Variants in MKLN1 observed in about 807,000 individuals in gnomAD.
The protein encoded by MKLN1 is muskelin 1, also known as muskelin.
MKLN1 carries 18 observed loss-of-function variants against 99.0 expected under a neutral mutation model. That is an observed-to-expected ratio of 0.18 (90% CI 0.13 to 0.27). MKLN1 has a LOEUF of 0.27. MKLN1 is among the 10% of genes least tolerant of loss of function. The probability of loss-of-function intolerance (pLI) is 1.00; values close to 1 mark genes in which losing one functional copy is unlikely to be tolerated. For synonymous variants in MKLN1, 288 were observed against 293.2 expected (o/e 0.98, Z 0.18); for missense variants, 621 against 875.9 (o/e 0.71, Z 3.67).
intron 1 of MKLN1, among the ~76,000 whole-genome samples, chr7:131,110,671 C>T (rs1795180479): frequency 6.6e-6 from 1 of 152,228 alleles, no homozygotes; most frequent in African/African-American, 2.4e-5. Context: ...GACAAACAGC[C>T]TCTGGTGCAA....
intron 3 of MKLN1, among the ~76,000 whole-genome samples, chr7:131,307,210 T>C (rs1265079217): frequency 6.6e-6 from 1 of 152,138 alleles, no homozygotes; most frequent in Non-Finnish European, 1.5e-5. Flanking sequence ...CAGTTAAAGT[T>C]TGAGAATCCT....
chr7:131,382,139 C>G (rs1384158272), intron 2 of MKLN1, among the ~76,000 whole-genome samples: 1 of 152,160 alleles, frequency 6.6e-6, no homozygotes, highest in East Asian at 1.9e-4. Flanking sequence ...TCGAGGCAGG[C>G]AGATCACTTG....
At chr7:131,180,420 C>T (rs889028644) in intron 2 of MKLN1, among the ~76,000 whole-genome samples, 3 of 152,182 alleles carry the variant, frequency 2.0e-5, no homozygotes, top group Non-Finnish European at 2.9e-5. Flanking sequence ...TGTTTAAGGC[C>T]GGGCGCAGTG....
intron 3 of MKLN1, among the ~76,000 whole-genome samples, chr7:131,248,077 ATTT>A (rs994773445): frequency 4.2e-5 from 4 of 95,838 alleles, no homozygotes; most frequent in Non-Finnish European, 8.7e-5. Context: ...TACATTTATT[ATTT>A]ATTTATTTAT....
At chr7:131,136,743 C>G (rs1371680019) in intron 1 of MKLN1, among the ~76,000 whole-genome samples, 2 of 152,186 alleles carry the variant, frequency 1.3e-5, no homozygotes, top group African/African-American at 4.8e-5. Context: ...AATGCATTGT[C>G]TGCTCTTATT....
chr7:131,130,487 C>G (rs1345093269), intron 1 of MKLN1, among the ~76,000 whole-genome samples: 1 of 152,340 alleles, frequency 6.6e-6, no homozygotes, highest in African/African-American at 2.4e-5. Context: ...ACCATTACCC[C>G]CATTTCACAG....
chr7:131,471,493 ATTAC>A (rs1796819529), intron 16 of MKLN1: 2 of 152,458 alleles, frequency 1.3e-5, no homozygotes, highest in Non-Finnish European at 2.9e-5. Context: ...TTAGCCAATC[ATTAC>A]TTTTCAGTTT....
intron 1 of MKLN1, among the ~76,000 whole-genome samples, chr7:131,334,331 A>G (rs541628963): frequency 2.0e-5 from 3 of 152,294 alleles, no homozygotes; most frequent in East Asian, 3.9e-4. Flanking sequence ...CTGAGATTTA[A>G]GGACACTGGC....
intron 1 of MKLN1, among the ~76,000 whole-genome samples, chr7:131,343,047 G>A (rs1242839938): frequency 1.3e-5 from 2 of 152,232 alleles, no homozygotes; most frequent in Non-Finnish European, 2.9e-5. Flanking sequence ...GACAAAAGCA[G>A]TAAATGCTGC....
At chr7:131,296,477 G>C (rs577784683) in intron 3 of MKLN1, among the ~76,000 whole-genome samples, 2 of 152,230 alleles carry the variant, frequency 1.3e-5, no homozygotes, top group South Asian at 2.1e-4. Flanking sequence ...ATAAGAGTGG[G>C]AACGAGATTT....
At chr7:131,174,134 G>A (rs187391823) in intron 2 of MKLN1, among the ~76,000 whole-genome samples, 2,531 of 151,850 alleles carry the variant, frequency 0.017, 78 homozygotes, top group African/African-American at 0.058. Flanking sequence ...CACCGCACCC[G>A]GCTAATTTTT....
chr7:131,309,756 C>T (rs1286105557), intron 3 of MKLN1: 19 of 126,124 alleles, frequency 1.5e-4, no homozygotes, highest in Admixed American at 6.2e-4. Context: ...GACAGGGCCT[C>T]GCACTGTTGC....
chr7:131,485,502 A>G (rs910548551), intron 17 of MKLN1, among the ~76,000 whole-genome samples: 1 of 152,074 alleles, frequency 6.6e-6, no homozygotes, highest in Non-Finnish European at 1.5e-5. Flanking sequence ...GTCTCAAACT[A>G]TCTCCCTATC....
rs548718602 is a variant in MKLN1 at position 131,112,680 on chromosome 7, G to C, written c.-419+2473G>C. On this transcript the variant is annotated intron_variant, in intron 1 of 7. Transcript: ENST00000416992. ...AGCTTCCTGAGTAGCTGGGGCTACA[G>C]GTGCACTCAACCATGCCTAGCCTTT... 4.1e-4 allele frequency among the ~76,000 whole-genome samples: 62 copies of C among 152,284 alleles called. 1 individual carries two copies. In the South Asian group the frequency reaches 0.011, roughly 27 times the overall value.
intron 1 of MKLN1, among the ~76,000 whole-genome samples, chr7:131,373,735 A>C (rs1793541251): frequency 6.6e-6 from 1 of 152,194 alleles, no homozygotes; most frequent in Non-Finnish European, 1.5e-5. Context: ...GACATCCTGC[A>C]TTATTACCAT....
chr7:131,314,906 G>C (rs941521957), intron 3 of MKLN1, among the ~76,000 whole-genome samples: 3 of 151,972 alleles, frequency 2.0e-5, no homozygotes, highest in African/African-American at 7.2e-5. Context: ...TAAGCAGCTG[G>C]GACTACAGGC....
At chr7:131,264,443 A>G (rs1307085930) in intron 3 of MKLN1, among the ~76,000 whole-genome samples, 1 of 152,204 alleles carries the variant, frequency 6.6e-6, no homozygotes, top group Non-Finnish European at 1.5e-5. Context: ...TCTTTTAGCT[A>G]CTATACACTG....
intron 17 of MKLN1, among the ~76,000 whole-genome samples, chr7:131,483,964 A>C (rs1797197912): frequency 6.6e-6 from 1 of 152,244 alleles, no homozygotes; most frequent in Non-Finnish European, 1.5e-5. Context: ...GTATATACGC[A>C]TGCATACACT....
rs71168363 is a variant in MKLN1 at position 131,113,667 on chromosome 7, CAAAAAAA to C, written c.-419+3474_-419+3480del. Among the ~76,000 whole-genome samples, 544 of 96,468 alleles carry C rather than the reference CAAAAAAA, an allele frequency of 5.6e-3. 2 individuals are homozygous for C. Among genetic ancestry groups the C allele is most frequent in the Non-Finnish European group, 9.9e-3 (432 of 43,766 alleles). 63.3% of individuals were successfully genotyped at this position (96,468 alleles called of 152,430 possible). ...TGAAACCCCTGTCTCTACAAAAATA[CAAAAAAA>C]AAAAAAAAAAAAATTAGCCAGGCCT... On this transcript the variant is annotated intron_variant, in intron 1 of 7. Coordinates refer to the MKLN1 transcript ENST00000416992.
Sources: gnomAD v4.1 joint callset for allele counts (sites outside exome capture counted in the v4.1 genomes callset) on GRCh38, gnomAD v4.1.1 for gene constraint, MANE v1.5 for transcripts, NCBI Gene and HGNC (gene_info 2026-07-23, HGNC 2026-07-21) for gene names.